Variants in ATP8A2 observed in about 807,000 individuals in gnomAD.
The protein encoded by ATP8A2 is ATPase phospholipid transporting 8A2.
Under a neutral mutation model 165.6 loss-of-function variants are expected in ATP8A2, and 100 were observed. The observed-to-expected ratio is 0.60, with a 90% confidence interval of 0.51 to 0.71. The LOEUF (loss-of-function observed/expected upper bound fraction) is 0.71. Ranked by LOEUF, ATP8A2 falls within the 30% of genes least tolerant of loss-of-function variation. The pLI is 0.00. For missense variants in ATP8A2, 1,227 were observed against 1,479.5 expected, an observed-to-expected ratio of 0.83 and a Z score of 2.80; for synonymous variants, 543 against 548.8, an observed-to-expected ratio of 0.99 and a Z score of 0.15.
chr13:25,740,443 G>A (rs764168253), intron 25 of ATP8A2, among the ~76,000 whole-genome samples: 11 of 152,152 alleles, frequency 7.2e-5, no homozygotes, highest in Middle Eastern at 6.8e-3. Context: ...GGCAGAAAGC[G>A]ACATAACAAC....
rs573906098 is a variant in ATP8A2 at position 25,651,562 on chromosome 13, C to A, written c.2212-47611C>A. 2.1e-5 allele frequency among the ~76,000 whole-genome samples: 3 copies of A among 141,706 alleles called. No homozygotes were observed. The East Asian group carries it at 7.0e-4, about 33-fold the overall frequency. The allele number at this position is 141,706 out of a possible 152,430, so 93.0% of individuals were successfully genotyped here. A position where few individuals can be genotyped will look rare whatever the true frequency, so the allele number is the denominator to read the frequency against. On this transcript the variant is annotated intron_variant, in intron 24 of 36. Coordinates refer to ENST00000381655, the MANE Select transcript of ATP8A2 (RefSeq NM_016529.6). ...TTTATTGGCCTAAAGTTGTTCACAC[C>A]TATCATCTTTTTTATTTATGACTAT...
At chr13:25,387,918 C>G (rs564869646) in intron 1 of ATP8A2, among the ~76,000 whole-genome samples, 1 of 152,068 alleles carries the variant, frequency 6.6e-6, no homozygotes, top group Non-Finnish European at 1.5e-5. Context: ...ATAAAATTAG[C>G]CAGGTGTGGT....
chr13:25,546,868 G>A (rs1593506753), intron 10 of ATP8A2, among the ~76,000 whole-genome samples: 1 of 152,128 alleles, frequency 6.6e-6, no homozygotes, highest in Non-Finnish European at 1.5e-5. Flanking sequence ...AGTGGCTCAC[G>A]CCTGCAATCC....
At chr13:25,881,066 G>A (rs1952964372) in intron 33 of ATP8A2, 1 of 287,066 alleles carries the variant, frequency 3.5e-6, no homozygotes, top group Non-Finnish European at 7.2e-6. Flanking sequence ...TTCGTATCCA[G>A]GAAGAACAAA....
chr13:25,458,676 T>A (rs1023447989), intron 1 of ATP8A2, among the ~76,000 whole-genome samples: 9 of 152,222 alleles, frequency 5.9e-5, no homozygotes, highest in Non-Finnish European at 1.0e-4. Context: ...GAAAGCAATG[T>A]AATGAGATAC....
intron 25 of ATP8A2, among the ~76,000 whole-genome samples, chr13:25,711,576 A>T (rs1221255719): frequency 6.6e-6 from 1 of 152,092 alleles, no homozygotes; most frequent in Non-Finnish European, 1.5e-5. Context: ...TTTTTAAAGC[A>T]AACAGAGCCT....
chr13:25,551,305 T>C lies in ATP8A2; in HGVS notation c.892-33T>C, dbSNP rs1365736144. 4 of 1,593,682 alleles carry C rather than the reference T, an allele frequency of 2.5e-6. No homozygotes were observed. In the African/African-American group the frequency reaches 5.4e-5, roughly 21 times the overall value. On this transcript the variant is annotated intron_variant, in intron 10 of 36. Coordinates refer to ENST00000381655, the MANE Select transcript of ATP8A2 (RefSeq NM_016529.6). Reference sequence around the variant, plus strand: ...AACCCCTTGCCCCAAATCTGTTCTGTGACCCTTACTGACTTTCAATGCTGT... The same window carrying C: ...AACCCCTTGCCCCAAATCTGTTCTGCGACCCTTACTGACTTTCAATGCTGT...
At chr13:25,632,978 A>G (rs2041279923) in intron 24 of ATP8A2, among the ~76,000 whole-genome samples, 1 of 152,172 alleles carries the variant, frequency 6.6e-6, no homozygotes, top group Non-Finnish European at 1.5e-5. Context: ...CCTAAGTGAC[A>G]AACTGTAAGT....
chr13:25,886,265 T>G (rs1234181496), intron 33 of ATP8A2, among the ~76,000 whole-genome samples: 1 of 152,204 alleles, frequency 6.6e-6, no homozygotes, highest in Non-Finnish European at 1.5e-5. Context: ...AAAGTTGGAA[T>G]GTCGGGGTGG....
intron 24 of ATP8A2, among the ~76,000 whole-genome samples, chr13:25,685,688 A>G (rs369163248): frequency 5.3e-5 from 8 of 152,224 alleles, no homozygotes; most frequent in African/African-American, 1.4e-4. Context: ...TTAGAAGAAA[A>G]GCAGAAAGCT....
chr13:25,974,242 T>C (rs1955974866), intron 35 of ATP8A2, among the ~76,000 whole-genome samples: 1 of 152,234 alleles, frequency 6.6e-6, no homozygotes, highest in African/African-American at 2.4e-5. Flanking sequence ...CTATAGCCTA[T>C]GTAGATGTTC....
At chr13:25,781,398 A>G (rs1487949389) in intron 27 of ATP8A2, among the ~76,000 whole-genome samples, 1 of 152,098 alleles carries the variant, frequency 6.6e-6, no homozygotes, top group Non-Finnish European at 1.5e-5. Context: ...GCTGTTTTAC[A>G]GCTTTATTTT....
chr13:25,519,065 G>A (rs2037573050), intron 2 of ATP8A2, among the ~76,000 whole-genome samples: 1 of 152,058 alleles, frequency 6.6e-6, no homozygotes, highest in Admixed American at 6.5e-5. Context: ...ACCTCCGTTT[G>A]CCCAAATTGG....
intron 1 of ATP8A2, among the ~76,000 whole-genome samples, chr13:25,411,712 C>G (rs577258593): frequency 6.6e-6 from 1 of 152,238 alleles, no homozygotes; most frequent in South Asian, 2.1e-4. Flanking sequence ...CATACACATA[C>G]ATATTTATAT....
intron 35 of ATP8A2, among the ~76,000 whole-genome samples, chr13:25,984,544 C>G (rs1956234579): frequency 6.7e-6 from 1 of 150,106 alleles, no homozygotes; most frequent in African/African-American, 2.5e-5. Flanking sequence ...GTAGAGGTTG[C>G]AGTAAACCAA....
At chr13:25,554,531 G>GTA (rs1183053317) in intron 12 of ATP8A2, among the ~76,000 whole-genome samples, 154 of 99,964 alleles carry the variant, frequency 1.5e-3, no homozygotes, top group Middle Eastern at 0.01. Flanking sequence ...GTGTGTGTAT[G>GTA]TGTGTGTGTG....
At chr13:25,493,540 T>C (rs1362121061) in intron 2 of ATP8A2, among the ~76,000 whole-genome samples, 1 of 152,204 alleles carries the variant, frequency 6.6e-6, no homozygotes, top group Non-Finnish European at 1.5e-5. Context: ...TTACTAAACA[T>C]ATGCGGGAAC....
chr13:25,702,088 A>G (rs2042963699), intron 25 of ATP8A2, among the ~76,000 whole-genome samples: 1 of 152,170 alleles, frequency 6.6e-6, no homozygotes, highest in Admixed American at 6.5e-5. Flanking sequence ...ATTTAAACTT[A>G]AGCTAAATTT....
intron 1 of ATP8A2, among the ~76,000 whole-genome samples, chr13:25,426,656 A>G (rs1415764121): frequency 6.6e-6 from 1 of 152,110 alleles, no homozygotes; most frequent in East Asian, 1.9e-4. Context: ...TTAATAATGT[A>G]TCAGGGCCGG....
Sources: allele counts gnomAD v4.1 joint callset (sites outside exome capture counted in the v4.1 genomes callset), GRCh38; gene constraint gnomAD v4.1.1; transcripts MANE v1.5; gene names NCBI Gene and HGNC (gene_info 2026-07-23, HGNC 2026-07-21).